The following CACNA2D3 variants were observed in gnomAD, a reference collection of about 807,000 sequenced individuals.
The protein encoded by CACNA2D3 is calcium voltage-gated channel auxiliary subunit alpha2delta 3, also known as voltage-dependent calcium channel subunit alpha-2/delta-3.
A neutral mutation model predicts 160.6 loss-of-function variants in CACNA2D3; 60 were observed. The ratio of observed to expected loss-of-function variants is 0.37; its 90% CI spans 0.30 to 0.46. The LOEUF is 0.46. CACNA2D3 is among the 20% of genes least tolerant of loss of function. The pLI is 1.00. For synonymous variants in CACNA2D3, 558 were observed against 492.9 expected (o/e 1.13, Z -1.75); for missense variants, 1,205 against 1,365.0 (o/e 0.88, Z 1.85).
At chr3:54,968,780 TA>T (rs1702209848) in intron 28 of CACNA2D3, among the ~76,000 whole-genome samples, 1 of 152,220 alleles carries the variant, frequency 6.6e-6, no homozygotes. Flanking sequence ...GTTTTTCTTT[TA>T]AGTATTGGGG....
At chr3:54,448,493 C>A (rs539346880) in intron 4 of CACNA2D3, among the ~76,000 whole-genome samples, 1 of 152,170 alleles carries the variant, frequency 6.6e-6, no homozygotes, top group Non-Finnish European at 1.5e-5. Context: ...TTCCCCCAAA[C>A]GAAAGTAGGA....
chr3:54,276,588 AAAGAAG>A (rs1553775459), intron 2 of CACNA2D3, among the ~76,000 whole-genome samples: 2 of 127,780 alleles, frequency 1.6e-5, no homozygotes, highest in African/African-American at 2.8e-5. Flanking sequence ...AAAAAAAAAA[AAAGAAG>A]AAGAAGAAAG....
intron 5 of CACNA2D3, among the ~76,000 whole-genome samples, chr3:54,509,609 C>T (rs1411427861): frequency 1.3e-5 from 2 of 152,046 alleles, no homozygotes; most frequent in Admixed American, 6.6e-5. Flanking sequence ...CTGTTGGTAC[C>T]TACAGTCCTC....
chr3:54,284,273 TA>T (rs1702954623), intron 2 of CACNA2D3, among the ~76,000 whole-genome samples: 1 of 151,328 alleles, frequency 6.6e-6, no homozygotes, highest in Admixed American at 6.6e-5. Context: ...ATAATAATAA[TA>T]AAAAATAAAA....
At chr3:54,998,907 C>T (rs1459659750) in intron 31 of CACNA2D3, among the ~76,000 whole-genome samples, 2 of 152,034 alleles carry the variant, frequency 1.3e-5, no homozygotes, top group Admixed American at 1.3e-4. Flanking sequence ...CTACCATGCC[C>T]GGCTAATTTT....
rs1365551903 is a variant in CACNA2D3, at chr3:55,044,147, T to C, written c.2987+25830T>C. ...GCTTGTCTAGAAATATTTTGAAAAG[T>C]CTGCTGGGATTTTGTTTGAAACTGG... is the stretch of plus-strand genomic sequence containing the variant. On this transcript the variant is annotated intron_variant, in intron 35 of 37. Transcript: ENST00000474759. Among the ~76,000 whole-genome samples the C allele has an allele frequency of 5.3e-5, 8 of 152,198 alleles. No homozygotes were observed. In the East Asian group the frequency reaches 1.5e-3, roughly 29 times the overall value.
At chr3:54,304,493 A>G (rs1225017737) in intron 2 of CACNA2D3, among the ~76,000 whole-genome samples, 2 of 152,234 alleles carry the variant, frequency 1.3e-5, no homozygotes, top group Non-Finnish European at 2.9e-5. Context: ...AAACAATTAC[A>G]TTTATAATCT....
chr3:54,644,671 C>T (rs1487327405), intron 11 of CACNA2D3, among the ~76,000 whole-genome samples: 3 of 152,200 alleles, frequency 2.0e-5, no homozygotes, highest in African/African-American at 7.2e-5. Context: ...ATGTGATTCC[C>T]ATAAAACAGT....
chr3:54,425,735 T>G (rs1699903316), intron 4 of CACNA2D3, among the ~76,000 whole-genome samples: 1 of 152,196 alleles, frequency 6.6e-6, no homozygotes, highest in Non-Finnish European at 1.5e-5. Flanking sequence ...CAGCACTGAG[T>G]TCCAGACTCT....
chr3:54,241,581 A>G lies in CACNA2D3; in HGVS notation c.205-78861A>G, dbSNP rs1299453177. Among the ~76,000 whole-genome samples the G allele has an allele frequency of 3.3e-5, 5 of 152,250 alleles. No individual in the cohort carries two copies. In the East Asian group the frequency reaches 9.6e-4, roughly 29 times the overall value. On this transcript the variant is annotated intron_variant, in intron 2 of 37. Coordinates refer to ENST00000474759, the MANE Select transcript of CACNA2D3 (RefSeq NM_018398.3). ...AGACCAATTTGGGTATGCCCAATTC[A>G]AATTGCACGCAAGAGACTTGGCTGG... is the stretch of plus-strand genomic sequence containing the variant.
intron 4 of CACNA2D3, among the ~76,000 whole-genome samples, chr3:54,404,451 C>G (rs1003911777): frequency 1.3e-5 from 2 of 152,076 alleles, no homozygotes; most frequent in African/African-American, 4.8e-5. Context: ...GATGAAAACT[C>G]TTAACAGTTT....
intron 5 of CACNA2D3, among the ~76,000 whole-genome samples, chr3:54,512,201 G>A (rs908338226): frequency 6.6e-6 from 1 of 152,056 alleles, no homozygotes; most frequent in East Asian, 1.9e-4. Context: ...GCCAGCCATC[G>A]GGCTCGCACA....
chr3:54,329,141 T>C (rs1704188075), intron 3 of CACNA2D3, among the ~76,000 whole-genome samples: 1 of 152,232 alleles, frequency 6.6e-6, no homozygotes, highest in East Asian at 1.9e-4. Context: ...TGACCATCTT[T>C]TTACATGTGT....
rs1462457220 is a variant in CACNA2D3, at chr3:54,448,570, C to G, written c.382-54922C>G. 2.6e-5 allele frequency among the ~76,000 whole-genome samples: 4 copies of G among 152,136 alleles called. No individual in the cohort carries two copies. The East Asian group carries it at 7.7e-4, about 29-fold the overall frequency. ...GTGGGGTGAGGGATGCCAGAAGGCC[C>G]AAATCTGTAAGTGTCCCTTACAAAA... On this transcript the variant is annotated intron_variant, in intron 4 of 37. Transcript: ENST00000474759.
At chr3:54,249,968 A>G (rs973151034) in intron 2 of CACNA2D3, among the ~76,000 whole-genome samples, 4 of 152,128 alleles carry the variant, frequency 2.6e-5, no homozygotes, top group African/African-American at 9.7e-5. Flanking sequence ...CTCCTCTGAA[A>G]ATGTAATGGG....
At chr3:54,691,116 TAGG>T (rs1407717809) in intron 11 of CACNA2D3, among the ~76,000 whole-genome samples, 1 of 152,166 alleles carries the variant, frequency 6.6e-6, no homozygotes, top group Non-Finnish European at 1.5e-5. Context: ...TGTCAGTTCT[TAGG>T]AGAAGAGGCC....
At chr3:55,058,675 T>G (rs78539777) in intron 35 of CACNA2D3, among the ~76,000 whole-genome samples, 2,791 of 152,250 alleles carry the variant, frequency 0.018, 93 homozygotes, top group African/African-American at 0.063. Context: ...TTGGTGCTTA[T>G]TAAAATGTGA....
At chr3:54,452,769 T>C (rs964720766) in intron 4 of CACNA2D3, among the ~76,000 whole-genome samples, 2 of 152,120 alleles carry the variant, frequency 1.3e-5, no homozygotes, top group Non-Finnish European at 2.9e-5. Flanking sequence ...GAAATTGAGA[T>C]GTCAGCAGGG....
intron 11 of CACNA2D3, among the ~76,000 whole-genome samples, chr3:54,697,949 C>G (rs985403205): frequency 6.6e-6 from 1 of 152,138 alleles, no homozygotes; most frequent in Non-Finnish European, 1.5e-5. Flanking sequence ...GCCATTCATT[C>G]TTGTTTTTAA....
Sources: gnomAD v4.1 joint callset for allele counts (sites outside exome capture counted in the v4.1 genomes callset) on GRCh38, gnomAD v4.1.1 for gene constraint, MANE v1.5 for transcripts, NCBI Gene and HGNC (gene_info 2026-07-23, HGNC 2026-07-21) for gene names.